Variants in KLHL4 observed in about 807,000 individuals in gnomAD.
KLHL4 encodes the protein kelch-like protein 4.
In KLHL4, 17 loss-of-function variants were observed where a neutral mutation model predicts 45.8. The observed-to-expected ratio is 0.37, with a 90% CI of 0.25 to 0.56. The LOEUF is 0.56. Ranked by LOEUF, KLHL4 falls within the 20% of genes least tolerant of loss-of-function variation. The probability of loss-of-function intolerance (pLI) is 0.79; values close to 1 mark genes in which losing one functional copy is unlikely to be tolerated. For missense variants in KLHL4, 544 were observed against 544.9 expected (o/e 1.00, Z 0.02); for synonymous variants, 224 against 189.9 (o/e 1.18, Z -1.47).
At chrX:87,533,624 C>T (rs1017046830) in intron 1 of KLHL4, among the ~76,000 whole-genome samples, 29 of 107,879 alleles carry the variant, frequency 2.7e-4, no homozygotes, top group Non-Finnish European at 5.0e-4. Flanking sequence ...TTAATGGGTG[C>T]AGCACAGCAG....
intron 6 of KLHL4, among the ~76,000 whole-genome samples, chrX:87,626,004 C>CT (rs1024931924): frequency 4.5e-5 from 5 of 111,947 alleles, no homozygotes; most frequent in African/African-American, 1.6e-4. Flanking sequence ...TTAATAGGCA[C>CT]TTTTACTTTA....
At chrX:87,647,109 A>C (rs886281714) in intron 9 of KLHL4, among the ~76,000 whole-genome samples, 1 of 112,142 alleles carries the variant, frequency 8.9e-6, no homozygotes, top group Non-Finnish European at 1.9e-5. Flanking sequence ...GAAGATATAC[A>C]TATGGCCAAC....
chrX:87,623,295 T>TTC (rs1286692023), intron 5 of KLHL4, among the ~76,000 whole-genome samples: 1 of 85,274 alleles, frequency 1.2e-5, no homozygotes, highest in Non-Finnish European at 2.3e-5. Context: ...TTTCTTTTTT[T>TTC]TTTTTTTTTT....
In KLHL4 at chrX:87,556,121, G is replaced by A. The variant is rs1215906215; in HGVS notation, c.422+37806G>A. Among the ~76,000 whole-genome samples, 7 of 111,029 alleles carry A rather than the reference G, an allele frequency of 6.3e-5. No homozygotes were observed. In the Admixed American group the frequency reaches 6.8e-4, roughly 11 times the overall value. On this transcript the variant is annotated intron_variant, in intron 1 of 10. Transcript: ENST00000373119. ...ATTTCTGATCTTTTACATTTGCTGA[G>A]GAGAGCTTTACTTCCAACTATATGG...
At chrX:87,563,186 A>G (rs1569342363) in intron 1 of KLHL4, among the ~76,000 whole-genome samples, 1 of 110,771 alleles carries the variant, frequency 9.0e-6, no homozygotes, top group Non-Finnish European at 1.9e-5. Context: ...AACTGTGAAG[A>G]TCAGAATAAA....
intron 1 of KLHL4, among the ~76,000 whole-genome samples, chrX:87,568,624 G>A (rs894691213): frequency 2.7e-5 from 3 of 110,347 alleles, no homozygotes; most frequent in African/African-American, 6.6e-5. Flanking sequence ...AATCAAATAT[G>A]TGTAGTACTT....
At chrX:87,584,376 G>A (rs1194465109) in intron 1 of KLHL4, among the ~76,000 whole-genome samples, 1 of 111,846 alleles carries the variant, frequency 8.9e-6, no homozygotes, top group Admixed American at 9.5e-5. Flanking sequence ...AAGGTACCAG[G>A]GACCAATTCT....
At chrX:87,552,693 T>TTA (rs3049243) in intron 1 of KLHL4, among the ~76,000 whole-genome samples, 218 of 88,894 alleles carry the variant, frequency 2.5e-3, no homozygotes, top group East Asian at 0.013. Context: ...AACTGTTAAA[T>TTA]TATATATATA....
At chrX:87,591,533 G>A (rs1486318041) in intron 1 of KLHL4, among the ~76,000 whole-genome samples, 1 of 111,163 alleles carries the variant, frequency 9.0e-6, no homozygotes, top group Admixed American at 9.6e-5. Context: ...TTGGCTCCTT[G>A]TATATTCTGG....
intron 1 of KLHL4, among the ~76,000 whole-genome samples, chrX:87,600,178 A>T (rs1921962125): frequency 9.0e-6 from 1 of 110,758 alleles, no homozygotes; most frequent in African/African-American, 3.3e-5. Context: ...GAGTTCACAG[A>T]TCCGGTCATT....
chrX:87,665,664 A>G (rs1275258909), intron 10 of KLHL4, among the ~76,000 whole-genome samples: 3 of 111,878 alleles, frequency 2.7e-5, no homozygotes, highest in Admixed American at 9.6e-5. Flanking sequence ...AACAAAAAAT[A>G]TAAAGTATGA....
At chrX:87,623,468 AT>A (rs1922825865) in intron 5 of KLHL4, among the ~76,000 whole-genome samples, 1 of 107,911 alleles carries the variant, frequency 9.3e-6, no homozygotes, top group African/African-American at 3.4e-5. Flanking sequence ...TAATTTTTGT[AT>A]TTTTAGTAAA....
intron 1 of KLHL4, among the ~76,000 whole-genome samples, chrX:87,572,666 T>C (rs1602423220): frequency 2.7e-5 from 3 of 110,729 alleles, no homozygotes; most frequent in African/African-American, 9.8e-5. Flanking sequence ...GTGAATTACC[T>C]GGCACTTAGC....
intron 1 of KLHL4, among the ~76,000 whole-genome samples, chrX:87,593,473 C>A (rs761564254): frequency 9.0e-5 from 10 of 111,165 alleles, no homozygotes; most frequent in Non-Finnish European, 1.7e-4. Context: ...TTGAACTAGT[C>A]TAGTATATTT....
rs779486529 is a variant in KLHL4, at chrX:87,581,903, T to C, written c.423-31974T>C. ...CTAGGCTTCAGAATGTGGGTAAAAA[T>C]GAACTTCACTGAGCTAAAGAAGCAT... On this transcript the variant is annotated intron_variant, in intron 1 of 10. Transcript: ENST00000373119. Among the ~76,000 whole-genome samples, 6 of 111,673 alleles carry C rather than the reference T, an allele frequency of 5.4e-5. No homozygotes were observed. The South Asian group carries it at 1.1e-3, about 21-fold the overall frequency.
intron 1 of KLHL4, among the ~76,000 whole-genome samples, chrX:87,606,775 A>G (rs1011847731): frequency 1.8e-5 from 2 of 111,595 alleles, no homozygotes; most frequent in African/African-American, 6.5e-5. Flanking sequence ...TTTGAAAGTC[A>G]ATTGTTTATC....
chrX:87,613,819 T>A (rs1922460585), intron 1 of KLHL4, 58 bp from the exon 2 acceptor site: 3 of 927,310 alleles, frequency 3.2e-6, no homozygotes, highest in Middle Eastern at 3.2e-4. Context: ...TAGAGAAAAA[T>A]TAAATTTTTT....
intron 9 of KLHL4, among the ~76,000 whole-genome samples, chrX:87,646,876 A>G (rs1404464410): frequency 8.9e-6 from 1 of 111,746 alleles, no homozygotes; most frequent in Non-Finnish European, 1.9e-5. Flanking sequence ...AAGCAAATGC[A>G]ACAAAAACAG....
At chrX:87,620,834 A>G (rs9306638) in intron 4 of KLHL4, among the ~76,000 whole-genome samples, 41,875 of 111,119 alleles carry the variant, frequency 0.38, 6,034 homozygotes, top group Middle Eastern at 0.47. Context: ...CACACTGGTG[A>G]TGACTTAATG....
Sources: gnomAD v4.1 joint callset for allele counts (sites outside exome capture counted in the v4.1 genomes callset) on GRCh38, gnomAD v4.1.1 for gene constraint, MANE v1.5 for transcripts, NCBI Gene and HGNC (gene_info 2026-07-23, HGNC 2026-07-21) for gene names.